The following SLC24A2 variants were observed in gnomAD, a reference collection of about 807,000 sequenced individuals.
SLC24A2 encodes sodium/potassium/calcium exchanger 2.
Under a neutral mutation model 62.0 loss-of-function variants are expected in SLC24A2, and 36 were observed. The ratio of observed to expected loss-of-function variants is 0.58; its 90% CI spans 0.44 to 0.77. SLC24A2 has a LOEUF of 0.77. Ranked by LOEUF, SLC24A2 falls within the 30% of genes least tolerant of loss-of-function variation. The pLI, the probability that SLC24A2 is intolerant of heterozygous loss-of-function variation, is 0.00. For synonymous variants in SLC24A2, 358 were observed against 294.0 expected, an observed-to-expected ratio of 1.22 and a Z score of -2.23; for missense variants, 846 against 817.9, an observed-to-expected ratio of 1.03 and a Z score of -0.42.
At chr9:19,979,948 G>A in the SLC24A2 span, among the ~76,000 whole-genome samples, 2 of 152,166 alleles carry the variant, frequency 1.3e-5, no homozygotes, top group African/African-American at 2.4e-5. Context: ...TCTATTGTAG[G>A]TTGATTGCCT....
In SLC24A2 at chr9:19,641,396, A is replaced by T. The variant is rs572649532; in HGVS notation, c.931-19097T>A. On this transcript the variant is annotated intron_variant, in intron 2 of 10. Coordinates refer to ENST00000341998, the MANE Select transcript of SLC24A2 (RefSeq NM_020344.4). The stretch of plus-strand genomic sequence containing the variant: ...ATGTCTAGTGGGCATAATAAACTTA[A>T]CAAAACCAAAGTTCACTTTCAAAGA... 3.3e-4 allele frequency among the ~76,000 whole-genome samples: 51 copies of T among 152,360 alleles called. No individual in the cohort carries two copies. In the South Asian group the frequency reaches 3.7e-3, roughly 11 times the overall value.
At chr9:19,907,853 G>A in the SLC24A2 span, among the ~76,000 whole-genome samples, 2 of 152,118 alleles carry the variant, frequency 1.3e-5, no homozygotes, top group Admixed American at 6.5e-5. Flanking sequence ...ACAAAGGGAA[G>A]AACATTCCAT....
the SLC24A2 span, among the ~76,000 whole-genome samples, chr9:19,806,700 T>C: frequency 6.6e-6 from 1 of 152,156 alleles, no homozygotes; most frequent in African/African-American, 2.4e-5. Flanking sequence ...TAGTCTCTGG[T>C]TTCTTCTAGT....
At chr9:20,233,268 T>G in the SLC24A2 span, among the ~76,000 whole-genome samples, 2 of 152,172 alleles carry the variant, frequency 1.3e-5, no homozygotes, top group East Asian at 3.8e-4. Context: ...TGAGTTCAAT[T>G]CCTGGGTATC....
chr9:20,094,962 A>G, the SLC24A2 span, among the ~76,000 whole-genome samples: 713 of 152,292 alleles, frequency 4.7e-3, 6 homozygotes, highest in African/African-American at 0.016. Context: ...TTAAAATATT[A>G]ATAATTATCT....
chr9:20,212,202 A>G, the SLC24A2 span, among the ~76,000 whole-genome samples: 1 of 151,858 alleles, frequency 6.6e-6, no homozygotes, highest in South Asian at 2.1e-4. Context: ...AAAATTCAAG[A>G]CAATAGGCAC....
chr9:19,838,328 C>T, the SLC24A2 span, among the ~76,000 whole-genome samples: 3 of 152,088 alleles, frequency 2.0e-5, no homozygotes, highest in African/African-American at 7.2e-5. Flanking sequence ...AAAGGATTCC[C>T]TATTTAATAA....
At chr9:20,186,076 C>A in the SLC24A2 span, among the ~76,000 whole-genome samples, 1 of 152,082 alleles carries the variant, frequency 6.6e-6, no homozygotes. Context: ...CATGATGAGG[C>A]TTCCTTAGCT....
the SLC24A2 span, among the ~76,000 whole-genome samples, chr9:20,281,497 G>C: frequency 2.0e-5 from 3 of 152,060 alleles, no homozygotes; most frequent in Admixed American, 2.0e-4. Context: ...TCTCCCACAA[G>C]AAAAACCATA....
At chr9:19,966,009 G>A in the SLC24A2 span, among the ~76,000 whole-genome samples, 2 of 152,196 alleles carry the variant, frequency 1.3e-5, no homozygotes, top group East Asian at 1.9e-4. Flanking sequence ...GTTCTCTTTA[G>A]GTAGCATCAC....
the SLC24A2 span, among the ~76,000 whole-genome samples, chr9:20,108,578 C>G: frequency 2.0e-5 from 3 of 152,002 alleles, no homozygotes; most frequent in Admixed American, 6.6e-5. Flanking sequence ...AATCATCATT[C>G]TCAGTAAACT....
chr9:19,798,813 C>A, the SLC24A2 span, among the ~76,000 whole-genome samples: 79 of 152,192 alleles, frequency 5.2e-4, no homozygotes, highest in Non-Finnish European at 9.4e-4. Context: ...GCTATTTATA[C>A]CTCTCTCTAC....
At chr9:19,619,812 G>A in intron 3 of SLC24A2, 120 bp from the exon 4 acceptor site, 1 of 775,384 alleles carries the variant, frequency 1.3e-6, no homozygotes, top group Non-Finnish European at 2.3e-6. Flanking sequence ...ACAGTATTGA[G>A]CCAAAGATTT....
At position 19,560,928 on chromosome 9, in the gene SLC24A2, G is replaced by T. The variant is rs879276723; in HGVS notation, c.1348-10660C>A. The stretch of plus-strand genomic sequence containing the variant: ...ATATATATATATATAGAGAGAGAGA[G>T]AGAGAGAGAGAGAGAGAGACAGAGT... On this transcript the variant is annotated intron_variant, in intron 7 of 10. Transcript: ENST00000341998. Among the ~76,000 whole-genome samples the T allele has an allele frequency of 7.0e-3, 1,034 of 146,814 alleles. 16 individuals are homozygous for T. The highest frequency in any genetic ancestry group is 0.033 in the Admixed American group (484 of 14,552).
chr9:19,990,374 G>T, the SLC24A2 span, among the ~76,000 whole-genome samples: 43 of 152,136 alleles, frequency 2.8e-4, no homozygotes, highest in Admixed American at 9.2e-4. Context: ...CACTTTGGGA[G>T]GCCAAGGTGG....
the SLC24A2 span, among the ~76,000 whole-genome samples, chr9:20,074,602 GAAA>G: frequency 0.047 from 2,015 of 42,994 alleles, 80 homozygotes; most frequent in East Asian, 0.18. Context: ...AGGAAGGAAG[GAAA>G]GAAGGGAGTG....
chr9:19,953,456 C>A, the SLC24A2 span, among the ~76,000 whole-genome samples: 1 of 151,910 alleles, frequency 6.6e-6, no homozygotes, highest in Admixed American at 6.6e-5. Context: ...GCCTCTCAAA[C>A]GTTTCCATAA....
At chr9:19,997,128 T>C in the SLC24A2 span, among the ~76,000 whole-genome samples, 1 of 152,118 alleles carries the variant, frequency 6.6e-6, no homozygotes, top group Non-Finnish European at 1.5e-5. Context: ...CACAGAGCAT[T>C]TTCCTCAAGA....
intron 2 of SLC24A2, among the ~76,000 whole-genome samples, chr9:19,721,558 T>C (rs765574212): frequency 6.6e-6 from 1 of 152,124 alleles, no homozygotes; most frequent in Non-Finnish European, 1.5e-5. Flanking sequence ...ATAAATCTGA[T>C]AAAATCAGGG....
Sources: gnomAD v4.1 joint callset for allele counts (sites outside exome capture counted in the v4.1 genomes callset) on GRCh38, gnomAD v4.1.1 for gene constraint, MANE v1.5 for transcripts, NCBI Gene and HGNC (gene_info 2026-07-23, HGNC 2026-07-21) for gene names.